The following TNPO1 variants were observed in gnomAD, a reference collection of about 807,000 sequenced individuals.
TNPO1 encodes transportin-1.
In TNPO1, 8 loss-of-function variants were observed where a neutral mutation model predicts 119.5. That is an observed-to-expected ratio of 0.07 (90% CI 0.04 to 0.12). The LOEUF (loss-of-function observed/expected upper bound fraction) is 0.12. Ranked by LOEUF, TNPO1 falls within the 10% of genes least tolerant of loss-of-function variation. The pLI is 1.00. For synonymous variants in TNPO1, 362 were observed against 363.0 expected, an observed-to-expected ratio of 1.00 and a Z score of 0.03; for missense variants, 576 against 1,089.8, an observed-to-expected ratio of 0.53 and a Z score of 6.64.
chr5:72,867,985 CTTG>C (rs546530834), intron 6 of TNPO1, among the ~76,000 whole-genome samples: 129 of 152,174 alleles, frequency 8.5e-4, no homozygotes, highest in African/African-American at 2.8e-3. Context: ...TTGCCTTTAT[CTTG>C]TTGTTGTCTC....
chr5:72,870,404 C>T (rs547471882), intron 6 of TNPO1, among the ~76,000 whole-genome samples: 23 of 152,250 alleles, frequency 1.5e-4, no homozygotes, highest in South Asian at 8.3e-4. Context: ...TCAGGTGATC[C>T]GCCCACCGTA....
intron 18 of TNPO1, among the ~76,000 whole-genome samples, chr5:72,895,814 A>G (rs536273633): frequency 2.2e-4 from 33 of 152,260 alleles, no homozygotes; most frequent in Admixed American, 1.2e-3. Context: ...ATTGATTCCT[A>G]TCATCCTCCA....
chr5:72,862,499 T>C (rs926638934), intron 5 of TNPO1: 1 of 150,106 alleles, frequency 6.7e-6, no homozygotes, highest in African/African-American at 2.5e-5. Flanking sequence ...AATTTTTTCT[T>C]TTTTTTTTTG....
rs1750413473 is a variant in TNPO1, at chr5:72,909,484, T to C, written c.*811T>C. On this transcript the variant is annotated 3_prime_UTR_variant, in exon 25 of 25. Transcript: ENST00000337273. ...AGCGGATATAATTTGATGATTATAC[T>C]TCATTAGATTTAATTTCTAGGCCAA... 1 of 152,198 alleles carries C rather than the reference T, an allele frequency of 6.6e-6. No individual in the cohort carries two copies. The highest frequency in any genetic ancestry group is 1.5e-5 in the Non-Finnish European group (1 of 68,034). 9.4% of individuals were successfully genotyped at this position (152,198 alleles called of 1,614,324 possible).
Position 72,903,732 on chromosome 5 carries a change from C to T in TNPO1, c.2538C>T (p.Ala846=), listed in dbSNP as rs752207658. The T allele has an allele frequency of 1.1e-5, 18 of 1,604,494 alleles. No individual in the cohort carries two copies. Among genetic ancestry groups the T allele is most frequent in the African/African-American group, 4.0e-5 (3 of 74,474 alleles). The change falls in exon 23 of 25, where the codon GCC becomes GCT. Residue 846 remains alanine, a synonymous_variant. Transcript: ENST00000337273. ...AGGATTTTATATTTTTTTGTGATGC[C>T]GTTGCATCATGGATTAACCCAAAAG... ...VIQDFIFFCD[A]VASWINPKDD... is the part of the protein sequence containing the mutation.
chr5:72,831,956 T>G (rs930429324), intron 1 of TNPO1, among the ~76,000 whole-genome samples: 9 of 152,190 alleles, frequency 5.9e-5, no homozygotes, highest in Non-Finnish European at 1.2e-4. Flanking sequence ...ATTAACCTTC[T>G]TTTTTTGATT....
At chr5:72,886,618 G>T (rs1261962740) in intron 11 of TNPO1, among the ~76,000 whole-genome samples, 1 of 151,968 alleles carries the variant, frequency 6.6e-6, no homozygotes, top group East Asian at 1.9e-4. Context: ...AATGTTTTTG[G>T]CTGGGCATGG....
intron 9 of TNPO1, among the ~76,000 whole-genome samples, chr5:72,882,225 CA>C (rs1269854496): frequency 1.3e-5 from 2 of 152,204 alleles, no homozygotes; most frequent in Non-Finnish European, 2.9e-5. Flanking sequence ...GGACTTTGAG[CA>C]TGAAAGTTTG....
rs1746484043 is a variant in TNPO1, at chr5:72,861,893, T to C, written c.441T>C (p.Ser147=). 6.2e-7 allele frequency: 1 copy of C among 1,612,136 alleles called. No individual in the cohort carries two copies. Among genetic ancestry groups the C allele is most frequent in the African/African-American group, 1.3e-5 (1 of 74,914 alleles). The change falls in exon 5 of 25, where the codon TCT becomes TCC. Residue 147 remains serine (S), a synonymous_variant. Coordinates refer to ENST00000337273, the MANE Select transcript of TNPO1 (RefSeq NM_002270.4). The part of the protein sequence containing the change: ...LLPKLCSLLD[S]EDYNTCEGAF... ...CAAAACTCTGTAGCCTGTTGGATTC[T>C]GAAGATTATAATACCTGTGAGGTAA...
At chr5:72,851,214 A>G (rs757487485) in intron 2 of TNPO1, 30 bp from the exon 3 acceptor site, 2 of 1,319,696 alleles carry the variant, frequency 1.5e-6, no homozygotes, top group Middle Eastern at 5.1e-4. Flanking sequence ...GATTACACAG[A>G]GAAGTTTCCT....
At chr5:72,839,316 C>G (rs978447976) in intron 1 of TNPO1, among the ~76,000 whole-genome samples, 1 of 152,232 alleles carries the variant, frequency 6.6e-6, no homozygotes. Flanking sequence ...GAAGAAAGAT[C>G]TAGTTACTCA....
intron 9 of TNPO1, among the ~76,000 whole-genome samples, chr5:72,882,134 T>C (rs1332780659): frequency 2.0e-5 from 3 of 152,198 alleles, no homozygotes; most frequent in Non-Finnish European, 2.9e-5. Context: ...TATAGCTCTA[T>C]GTATTGTAAG....
intron 4 of TNPO1, among the ~76,000 whole-genome samples, chr5:72,857,469 C>A (rs544085055): frequency 2.0e-5 from 3 of 152,226 alleles, no homozygotes; most frequent in East Asian, 3.9e-4. Flanking sequence ...GGGTAGAGGA[C>A]ATTTGTGGTT....
At chr5:72,842,583 A>C (rs1036423517) in intron 1 of TNPO1, among the ~76,000 whole-genome samples, 1 of 152,208 alleles carries the variant, frequency 6.6e-6, no homozygotes, top group African/African-American at 2.4e-5. Context: ...GCTCTCTGTG[A>C]AACAGGACTG....
At chr5:72,874,594 A>G (rs1026879699) in intron 7 of TNPO1, among the ~76,000 whole-genome samples, 2 of 152,220 alleles carry the variant, frequency 1.3e-5, no homozygotes. Context: ...AACAGGAACT[A>G]CGTAGTTTTG....
In TNPO1 at chr5:72,877,257, T is replaced by G. The variant is rs1218778983; in HGVS notation, c.831T>G (p.Asp277Glu). ...TGCTACAGAGGACTCAAGATCAAGA[T>G]GAAAATGTGGCTTTAGAAGCCTGTG... ...EYMLQRTQDQ[D>E]ENVALEACEF... Residue 277 changes from aspartate to glutamate, a missense_variant, in exon 9 of 25, where the codon GAT becomes GAG. Asp to Glu is a conservative substitution (Grantham distance 45). Around this residue, in one of 6 missense-constraint regions of TNPO1, gnomAD observed 310 missense variants for 583.0 expected, o/e 0.53. Transcript: ENST00000337273. 8 of 1,612,264 alleles carry G rather than the reference T, an allele frequency of 5.0e-6. No homozygotes were observed. In the South Asian group the frequency reaches 6.6e-5, roughly 13 times the overall value.
intron 15 of TNPO1, 46 bp from the exon 16 acceptor site, chr5:72,893,093 T>A: frequency 6.9e-7 from 1 of 1,443,400 alleles, no homozygotes; most frequent in African/African-American, 1.4e-5. Flanking sequence ...CATCATAATC[T>A]TCAGTATACC....
chr5:72,851,751 C>T (rs1580393458), intron 3 of TNPO1, among the ~76,000 whole-genome samples: 1 of 152,242 alleles, frequency 6.6e-6, no homozygotes, highest in Non-Finnish European at 1.5e-5. Context: ...GCCGCAGTCT[C>T]CCAAAGTGCT....
chr5:72,888,097 T>G lies in TNPO1; in HGVS notation c.1323T>G (p.Ile441Met). ...TTCTAGGTTGCATGCAGGGCATGAT[T>G]CCATACTTGCCTGAGCTTATTCCTC... ...AIAEGCMQGM[I>M]PYLPELIPHL... Residue 441 changes from isoleucine to methionine, a missense_variant, in exon 13 of 25, where the codon ATT (isoleucine) becomes ATG (methionine). Ile to Met is a conservative substitution (Grantham distance 10, BLOSUM62 1). Transcript: ENST00000337273. The G allele has an allele frequency of 6.2e-7, 1 of 1,614,090 alleles. No homozygotes were observed. The highest frequency in any genetic ancestry group is 8.5e-7 in the Non-Finnish European group (1 of 1,180,024).
Sources: gnomAD v4.1 joint callset for allele counts (sites outside exome capture counted in the v4.1 genomes callset) on GRCh38, gnomAD v4.1.1 for gene constraint, gnomAD v4.1.1 regional missense constraint, MANE v1.5 for transcripts, NCBI Gene and HGNC (gene_info 2026-07-23, HGNC 2026-07-21) for gene names.